Variants in INSYN2B observed in about 807,000 individuals in gnomAD.
INSYN2B encodes protein INSYN2B.
Under a neutral mutation model 41.2 loss-of-function variants are expected in INSYN2B, and 16 were observed. The observed-to-expected ratio is 0.39, with a 90% CI of 0.26 to 0.59. The LOEUF is 0.59. Among genes scored for constraint, INSYN2B ranks in the 20% least tolerant of loss-of-function variants. INSYN2B has a pLI of 0.57. For synonymous variants in INSYN2B, 245 were observed against 244.4 expected (o/e 1.00, Z -0.02); for missense variants, 608 against 646.4 (o/e 0.94, Z 0.64).
chr5:169,936,914 T>C (rs1205172316), intron 1 of INSYN2B, among the ~76,000 whole-genome samples: 1 of 152,238 alleles, frequency 6.6e-6, no homozygotes, highest in Non-Finnish European at 1.5e-5. Flanking sequence ...AATTCAAACA[T>C]ACTTACAGAA....
At chr5:169,935,026 G>A (rs2113691975) in intron 1 of INSYN2B, among the ~76,000 whole-genome samples, 1 of 152,292 alleles carries the variant, frequency 6.6e-6, no homozygotes, top group Non-Finnish European at 1.5e-5. Flanking sequence ...AGATTCTTGG[G>A]AAGGCGGGAA....
At chr5:169,920,827 C>T (rs1775131549) in intron 1 of INSYN2B, among the ~76,000 whole-genome samples, 1 of 150,432 alleles carries the variant, frequency 6.6e-6, no homozygotes, top group African/African-American at 2.5e-5. Flanking sequence ...GTGGATGGCT[C>T]TTCTTGTCTT....
chr5:169,883,673 G>A lies in INSYN2B; in HGVS notation c.226C>T (p.Pro76Ser), dbSNP rs1012660943. ...GKTQATRHHL[P>S]PTYSLSFPRS... Reference sequence around the variant, plus strand: ...GGGAAGGAGAGCGAGTAGGTGGGGGGAAGATGGTGCCTGGTTGCTTGAGTC... The same window carrying A: ...GGGAAGGAGAGCGAGTAGGTGGGGGAAAGATGGTGCCTGGTTGCTTGAGTC... The change falls in exon 2 of 4, where the codon CCC becomes TCC. Residue 76 changes from proline to serine, a missense_variant. By Grantham distance (74) the Pro-to-Ser change is moderately conservative. Coordinates refer to ENST00000377365, the MANE Select transcript of INSYN2B (RefSeq NM_001129891.3). 79 of 1,551,014 alleles carry A rather than the reference G, an allele frequency of 5.1e-5. No individual in the cohort carries two copies. The highest frequency in any genetic ancestry group is 6.7e-5 in the Non-Finnish European group (77 of 1,146,600).
At chr5:169,918,002 C>T (rs544669915) in intron 1 of INSYN2B, among the ~76,000 whole-genome samples, 1 of 152,288 alleles carries the variant, frequency 6.6e-6, no homozygotes, top group Non-Finnish European at 1.5e-5. Context: ...TTACAGAATT[C>T]TGCCTTTCAG....
chr5:169,893,677 T>C (rs1268419053), intron 1 of INSYN2B, among the ~76,000 whole-genome samples: 1 of 152,190 alleles, frequency 6.6e-6, no homozygotes, highest in East Asian at 1.9e-4. Context: ...TTCACCCCTC[T>C]TCTCCATAAG....
intron 1 of INSYN2B, chr5:169,934,690 C>T (rs758134255): frequency 2.2e-5 from 10 of 456,100 alleles, no homozygotes; most frequent in Non-Finnish European, 3.5e-5. Flanking sequence ...TTGGGTGCTA[C>T]GGAGTATTAA....
At chr5:169,964,767 G>A (rs998045659) in intron 1 of INSYN2B, among the ~76,000 whole-genome samples, 11 of 152,282 alleles carry the variant, frequency 7.2e-5, no homozygotes, top group African/African-American at 2.6e-4. Context: ...TTCTCCCCTC[G>A]GAGCAAAAGT....
chr5:169,965,353 C>T (rs1777258833), intron 1 of INSYN2B, among the ~76,000 whole-genome samples: 1 of 152,224 alleles, frequency 6.6e-6, no homozygotes, highest in African/African-American at 2.4e-5. Flanking sequence ...ACAGGCCACA[C>T]TCTGAGTAGC....
At chr5:169,956,113 G>C (rs77579400) in intron 1 of INSYN2B, among the ~76,000 whole-genome samples, 4,334 of 151,796 alleles carry the variant, frequency 0.029, 143 homozygotes, top group East Asian at 0.075. Flanking sequence ...CAAATTTGCT[G>C]TGTCCTTGAT....
At chr5:169,957,173 T>C (rs1373868279) in intron 1 of INSYN2B, among the ~76,000 whole-genome samples, 7 of 152,216 alleles carry the variant, frequency 4.6e-5, no homozygotes, top group African/African-American at 7.2e-5. Flanking sequence ...TGGTATGGAA[T>C]GGGTACTCAA....
At chr5:169,924,869 T>C (rs527404142) in intron 1 of INSYN2B, among the ~76,000 whole-genome samples, 1 of 152,188 alleles carries the variant, frequency 6.6e-6, no homozygotes. Context: ...TTTCAATTTG[T>C]GACTTCCCTG....
chr5:169,974,830 AC>A (rs1203613430), intron 1 of INSYN2B, among the ~76,000 whole-genome samples: 1 of 150,556 alleles, frequency 6.6e-6, no homozygotes, highest in Non-Finnish European at 1.5e-5. Context: ...CATATTTGTG[AC>A]CCCCCTCCCC....
At chr5:169,915,438 A>T (rs563737636) in intron 1 of INSYN2B, among the ~76,000 whole-genome samples, 93 of 152,284 alleles carry the variant, frequency 6.1e-4, no homozygotes, top group Non-Finnish European at 1.1e-3. Context: ...AACCAAAGAG[A>T]TTAAGTCATT....
chr5:169,974,462 T>C (rs1777642828), intron 1 of INSYN2B, among the ~76,000 whole-genome samples: 1 of 152,242 alleles, frequency 6.6e-6, no homozygotes, highest in Admixed American at 6.5e-5. Flanking sequence ...AACATGTATT[T>C]AGCCCTTGAA....
At chr5:169,900,499 G>A (rs187225796) in intron 1 of INSYN2B, among the ~76,000 whole-genome samples, 6 of 152,296 alleles carry the variant, frequency 3.9e-5, no homozygotes, top group African/African-American at 1.4e-4. Flanking sequence ...GACCTTATTG[G>A]CCAAACAGAT....
At chr5:169,942,276 G>T (rs1382057718) in intron 1 of INSYN2B, among the ~76,000 whole-genome samples, 1 of 152,160 alleles carries the variant, frequency 6.6e-6, no homozygotes, top group East Asian at 1.9e-4. Flanking sequence ...TTCTCTCTCT[G>T]CAATGACTTC....
chr5:169,897,246 A>T (rs976704427), intron 1 of INSYN2B, among the ~76,000 whole-genome samples: 2 of 152,034 alleles, frequency 1.3e-5, no homozygotes, highest in African/African-American at 4.8e-5. Flanking sequence ...GTGCATTGGC[A>T]TGATCTCGGC....
intron 3 of INSYN2B, among the ~76,000 whole-genome samples, chr5:169,879,652 G>T (rs1358658522): frequency 6.6e-6 from 1 of 152,166 alleles, no homozygotes; most frequent in East Asian, 1.9e-4. Context: ...CTAGAAAAAT[G>T]CAAACATTCT....
chr5:169,861,447 A>G lies in INSYN2B; in HGVS notation c.*2826T>C, dbSNP rs1771190460. On this transcript the variant is annotated 3_prime_UTR_variant, in exon 4 of 4. Transcript: ENST00000377365. ...GTATTAAGTTCCAAGGATAGTGAGTATGCATTTATGCATTGCTTTTTAAAC... is the reference window on the plus strand; with the variant it reads ...GTATTAAGTTCCAAGGATAGTGAGTGTGCATTTATGCATTGCTTTTTAAAC... Among the ~76,000 whole-genome samples, 1 of 152,268 alleles carries G rather than the reference A, an allele frequency of 6.6e-6. No homozygotes were observed.
Sources: gnomAD v4.1 joint callset for allele counts (sites outside exome capture counted in the v4.1 genomes callset) on GRCh38, gnomAD v4.1.1 for gene constraint, MANE v1.5 for transcripts, NCBI Gene and HGNC (gene_info 2026-07-23, HGNC 2026-07-21) for gene names.